PHF21B: variants seen among roughly 807,000 people sequenced by gnomAD.
The protein encoded by PHF21B is PHD finger protein 4.
A neutral mutation model predicts 62.2 loss-of-function variants in PHF21B; 22 were observed. The ratio of observed to expected loss-of-function variants is 0.35; its 90% CI spans 0.25 to 0.51. The LOEUF (loss-of-function observed/expected upper bound fraction) is 0.51, where lower values mean the gene tolerates loss of function less well. Ranked by LOEUF, PHF21B falls within the 20% of genes least tolerant of loss-of-function variation. The probability of loss-of-function intolerance (pLI) is 0.97; values close to 1 mark genes in which losing one functional copy is unlikely to be tolerated. For synonymous variants in PHF21B, 341 were observed against 314.7 expected, an observed-to-expected ratio of 1.08 and a Z score of -0.88; for missense variants, 701 against 707.9, an observed-to-expected ratio of 0.99 and a Z score of 0.11.
Position 44,988,934 on chromosome 22 carries a change from GTGTCC to G in PHF21B, c.120+19606_120+19610del, listed in dbSNP as rs2072998573. ...GCTTCAAAGATGGTGCCTGGCTGCT[GTGTCC>G]TCACGAAGGCAGACAGACACCCTCA... On this transcript the variant is annotated intron_variant, in intron 2 of 12. Transcript: ENST00000313237. Among the ~76,000 whole-genome samples, 4 of 152,200 alleles carry G rather than the reference GTGTCC, an allele frequency of 2.6e-5. No individual in the cohort carries two copies. The South Asian group carries it at 8.3e-4, about 32-fold the overall frequency.
At chr22:44,901,969 C>G (rs1044904015) in intron 5 of PHF21B, 3 of 209,852 alleles carry the variant, frequency 1.4e-5, no homozygotes, top group African/African-American at 7.0e-5. Flanking sequence ...GGCAAAAACC[C>G]CTTCAGCCAG....
intron 2 of PHF21B, among the ~76,000 whole-genome samples, chr22:44,943,007 C>A (rs1272783234): frequency 5.4e-5 from 7 of 130,336 alleles, no homozygotes; most frequent in East Asian, 2.3e-4. Context: ...CCCCCCCCCC[C>A]CATCCTCAGA....
At chr22:44,942,309 C>G (rs894114779) in intron 2 of PHF21B, among the ~76,000 whole-genome samples, 18 of 152,146 alleles carry the variant, frequency 1.2e-4, no homozygotes, top group Admixed American at 2.6e-4. Flanking sequence ...ATGGGCTCTG[C>G]CAGATTCCTG....
Position 44,885,911 on chromosome 22 carries a change from A to T in PHF21B, c.1225T>A (p.Trp409Arg), listed in dbSNP as rs1437139322. The stretch of plus-strand genomic sequence containing the variant: ...TGCACGATGGCCAGCATCCCAGTCC[A>T]GGGCACACCCTCGTCTTTCTTTAAG... ...KALKKDEGVPWTGMLAIVHSY... is the reference protein window; with the variant it reads ...KALKKDEGVPRTGMLAIVHSY... The change falls in exon 11 of 13, where the codon TGG (tryptophan) becomes AGG (arginine). Residue 409 changes from tryptophan to arginine, a missense_variant. Physicochemically the swap from Trp to Arg is moderately radical, Grantham distance 101. Coordinates refer to ENST00000313237, the MANE Select transcript of PHF21B (RefSeq NM_138415.5). The T allele has an allele frequency of 6.2e-7, 1 of 1,613,998 alleles. No homozygotes were observed. Among genetic ancestry groups the T allele is most frequent in the East Asian group, 2.2e-5 (1 of 44,884 alleles).
chr22:44,986,429 A>C (rs1163083785), intron 2 of PHF21B, among the ~76,000 whole-genome samples: 1 of 150,926 alleles, frequency 6.6e-6, no homozygotes, highest in Non-Finnish European at 1.5e-5. Context: ...CTGCATCCGC[A>C]TGATCCAATC....
At chr22:44,893,147 C>T (rs1257617929) in intron 7 of PHF21B, among the ~76,000 whole-genome samples, 2 of 152,026 alleles carry the variant, frequency 1.3e-5, no homozygotes, top group African/African-American at 2.4e-5. Context: ...TGCCTGTGAC[C>T]GGAGATTTGC....
At chr22:44,972,483 C>T (rs1031926460) in intron 2 of PHF21B, among the ~76,000 whole-genome samples, 1 of 152,010 alleles carries the variant, frequency 6.6e-6, no homozygotes, top group Non-Finnish European at 1.5e-5. Context: ...TTGGCAGACG[C>T]GGCTGCTCAG....
intron 5 of PHF21B, among the ~76,000 whole-genome samples, chr22:44,911,415 G>A (rs968790685): frequency 6.6e-6 from 1 of 152,094 alleles, no homozygotes; most frequent in African/African-American, 2.4e-5. Context: ...AGGCCTAGAG[G>A]TTTAGGAGGA....
chr22:44,901,942 G>A (rs2071167003), intron 5 of PHF21B: 1 of 214,724 alleles, frequency 4.7e-6, no homozygotes, highest in East Asian at 1.1e-4. Context: ...GACATGCCTT[G>A]GAAGCTATTG....
intron 2 of PHF21B, among the ~76,000 whole-genome samples, chr22:44,922,311 C>G (rs1012563551): frequency 6.6e-6 from 1 of 152,122 alleles, no homozygotes; most frequent in African/African-American, 2.4e-5. Flanking sequence ...ATGAGTTTAG[C>G]CAGGTTGCAG....
chr22:44,989,719 C>A (rs930855197), intron 2 of PHF21B, among the ~76,000 whole-genome samples: 13 of 147,914 alleles, frequency 8.8e-5, no homozygotes, highest in African/African-American at 3.3e-4. Flanking sequence ...AAGCGATTCT[C>A]GTGCCTCAGC....
chr22:44,931,690 G>A (rs1388676143), intron 2 of PHF21B, among the ~76,000 whole-genome samples: 1 of 152,138 alleles, frequency 6.6e-6, no homozygotes, highest in South Asian at 2.1e-4. Flanking sequence ...GACCACAGGT[G>A]CATGTGTAGA....
intron 2 of PHF21B, among the ~76,000 whole-genome samples, chr22:44,964,493 G>A (rs1215475312): frequency 1.3e-5 from 2 of 152,348 alleles, no homozygotes; most frequent in East Asian, 1.9e-4. Context: ...CTTCAGCAGC[G>A]AAACAACAGC....
At chr22:44,917,655 G>A (rs770305233) in intron 3 of PHF21B, among the ~76,000 whole-genome samples, 6 of 152,292 alleles carry the variant, frequency 3.9e-5, no homozygotes, top group Middle Eastern at 3.4e-3. Flanking sequence ...GAGCCTCACC[G>A]GTAATAATGA....
intron 12 of PHF21B, 48 bp from the exon 13 acceptor site, chr22:44,883,352 A>C: frequency 6.4e-7 from 1 of 1,573,636 alleles, no homozygotes; most frequent in Non-Finnish European, 8.7e-7. Flanking sequence ...TCGGCTCTAC[A>C]GCCATCCTGG....
At chr22:44,911,021 G>A (rs1262203801) in intron 5 of PHF21B, among the ~76,000 whole-genome samples, 2 of 152,224 alleles carry the variant, frequency 1.3e-5, no homozygotes, top group Non-Finnish European at 2.9e-5. Context: ...TTGGGAACTG[G>A]AGCAAAGGTG....
chr22:44,917,275 G>A (rs894700535), intron 3 of PHF21B, among the ~76,000 whole-genome samples: 1 of 152,338 alleles, frequency 6.6e-6, no homozygotes, highest in Non-Finnish European at 1.5e-5. Flanking sequence ...ACCTGAACTG[G>A]GCCAGGTCCC....
chr22:44,946,573 C>T (rs868079744), intron 2 of PHF21B, among the ~76,000 whole-genome samples: 3 of 151,750 alleles, frequency 2.0e-5, no homozygotes, highest in East Asian at 3.9e-4. Context: ...GGTGGACATA[C>T]GGAAGGGTGG....
At chr22:45,004,316 G>A (rs1324339400) in intron 2 of PHF21B, among the ~76,000 whole-genome samples, 1 of 152,158 alleles carries the variant, frequency 6.6e-6, no homozygotes, top group Non-Finnish European at 1.5e-5. Context: ...CCAGGTAAGA[G>A]ATGGTAGTGG....
Sources: gnomAD v4.1 joint callset for allele counts (sites outside exome capture counted in the v4.1 genomes callset) on GRCh38, gnomAD v4.1.1 for gene constraint, MANE v1.5 for transcripts, NCBI Gene and HGNC (gene_info 2026-07-23, HGNC 2026-07-21) for gene names.